Variants in WWC1 observed in about 807,000 individuals in gnomAD.
WWC1 encodes the protein WW and C2 domain containing 1.
Under a neutral mutation model 138.4 loss-of-function variants are expected in WWC1, and 55 were observed. The ratio of observed to expected loss-of-function variants is 0.40; its 90% CI spans 0.32 to 0.50. The LOEUF is 0.50. WWC1 is among the 20% of genes least tolerant of loss of function. WWC1 has a pLI of 0.72. For synonymous variants in WWC1, 524 were observed against 564.9 expected (o/e 0.93, Z 1.03); for missense variants, 1,226 against 1,420.4 (o/e 0.86, Z 2.20).
intron 1 of WWC1, among the ~76,000 whole-genome samples, chr5:168,309,282 A>G (rs771517324): frequency 1.3e-5 from 2 of 152,132 alleles, no homozygotes; most frequent in African/African-American, 4.8e-5. Flanking sequence ...CTGGGTACCT[A>G]CTGGACATTT....
At chr5:168,442,599 G>A (rs1265295123) in intron 16 of WWC1, among the ~76,000 whole-genome samples, 4 of 152,038 alleles carry the variant, frequency 2.6e-5, no homozygotes, top group Non-Finnish European at 5.9e-5. Flanking sequence ...CACTTTGGGA[G>A]GCCAAGGCAG....
At chr5:168,354,045 CT>C (rs1404248029) in intron 1 of WWC1, among the ~76,000 whole-genome samples, 1 of 151,508 alleles carries the variant, frequency 6.6e-6, no homozygotes, top group Non-Finnish European at 1.5e-5. Context: ...AGTGCTTTTT[CT>C]TTTTTTCTTT....
chr5:168,428,642 C>T lies in WWC1; in HGVS notation c.1920-65C>T. On this transcript the variant is annotated intron_variant, in intron 12 of 22. Coordinates refer to ENST00000265293, the MANE Select transcript of WWC1 (RefSeq NM_015238.3). Reference sequence around the variant, plus strand: ...ACTTTCCTTCCTGGGGATGTAACCTCAGCCTCCCAGAATAGTTTGTTCACT... The same window carrying T: ...ACTTTCCTTCCTGGGGATGTAACCTTAGCCTCCCAGAATAGTTTGTTCACT... 3.3e-6 allele frequency: 5 copies of T among 1,521,882 alleles called. No individual in the cohort carries two copies. In the South Asian group the frequency reaches 5.7e-5, roughly 17 times the overall value. 94.3% of individuals were successfully genotyped at this position (1,521,882 alleles called of 1,614,324 possible). A position where few individuals can be genotyped will look rare whatever the true frequency, so the allele number is the denominator to read the frequency against.
rs188523216 is a variant in WWC1 at position 168,310,532 on chromosome 5, C to T, written c.119+18261C>T. 7.8e-4 allele frequency among the ~76,000 whole-genome samples: 119 copies of T among 151,662 alleles called. 1 individual carries two copies. In the East Asian group the frequency reaches 0.018, roughly 23 times the overall value. On this transcript the variant is annotated intron_variant, in intron 1 of 22. Coordinates refer to ENST00000265293, the MANE Select transcript of WWC1 (RefSeq NM_015238.3). The stretch of plus-strand genomic sequence containing the variant: ...AAAATATTTATGTACAAACAAACAC[C>T]ATTTAAGAGTAAGTTGGAGGCCAGG...
chr5:168,408,195 G>T (rs1396669618), intron 6 of WWC1, among the ~76,000 whole-genome samples: 1 of 151,998 alleles, frequency 6.6e-6, no homozygotes, highest in Admixed American at 6.6e-5. Flanking sequence ...GGAAATTGAG[G>T]CAAAGAGAGG....
chr5:168,329,116 C>T (rs746055339), intron 1 of WWC1, among the ~76,000 whole-genome samples: 7 of 152,206 alleles, frequency 4.6e-5, no homozygotes, highest in Non-Finnish European at 1.0e-4. Context: ...TCTTCCTTCC[C>T]TCTTGGTGAT....
chr5:168,444,490 A>G lies in WWC1; in HGVS notation c.2434-4A>G. ...CAATGACCCAGCAACCTTTGTCTCT[A>G]TAGGACGCTGTGTCTGCTCTGTTGG... On this transcript the variant is annotated splice_region_variant and splice_polypyrimidine_tract_variant and intron_variant, in intron 16 of 22. Coordinates refer to ENST00000265293, the MANE Select transcript of WWC1 (RefSeq NM_015238.3). 4 of 1,565,352 alleles carry G rather than the reference A, an allele frequency of 2.6e-6. No individual in the cohort carries two copies. The highest frequency in any genetic ancestry group is 3.5e-6 in the Non-Finnish European group (4 of 1,153,678).
At chr5:168,465,085 T>C in intron 21 of WWC1, 123 bp downstream of exon 21, 2 of 1,400,250 alleles carry the variant, frequency 1.4e-6, no homozygotes, top group South Asian at 1.5e-5. Context: ...CAGGTTCCAC[T>C]GAGGGTGTTC....
intron 1 of WWC1, among the ~76,000 whole-genome samples, chr5:168,325,613 C>G (rs1443090822): frequency 6.6e-6 from 1 of 152,198 alleles, no homozygotes; most frequent in Non-Finnish European, 1.5e-5. Flanking sequence ...TTTGCACTGA[C>G]ATTCCATGTG....
At chr5:168,380,595 C>A (rs979290100) in intron 2 of WWC1, among the ~76,000 whole-genome samples, 1 of 152,116 alleles carries the variant, frequency 6.6e-6, no homozygotes, top group Non-Finnish European at 1.5e-5. Context: ...AATGGTACAA[C>A]CAGTTTGGAA....
rs1769063477 is a variant in WWC1 at position 168,291,675 on chromosome 5, CCCGAG to C, written c.-474_-470del. 6.6e-6 allele frequency: 1 copy of C among 152,274 alleles called. No homozygotes were observed. Among genetic ancestry groups the C allele is most frequent in the African/African-American group, 2.4e-5 (1 of 41,464 alleles). 9.4% of individuals were successfully genotyped at this position (152,274 alleles called of 1,614,324 possible). ...CGGGGCAGCGCGGTTACCTGCACCG[CCCGAG>C]CCGCACCTGGCGGAGGCAGAAGTCA... On this transcript the variant is annotated 5_prime_UTR_variant, in exon 1 of 23. Coordinates refer to ENST00000265293, the MANE Select transcript of WWC1 (RefSeq NM_015238.3).
At chr5:168,401,651 T>C (rs1196518149) in intron 5 of WWC1, among the ~76,000 whole-genome samples, 1 of 152,224 alleles carries the variant, frequency 6.6e-6, no homozygotes, top group Non-Finnish European at 1.5e-5. Context: ...TTACAAATTG[T>C]ATGTAATTTT....
At chr5:168,384,221 A>G (rs1777865863) in intron 2 of WWC1, among the ~76,000 whole-genome samples, 1 of 152,074 alleles carries the variant, frequency 6.6e-6, no homozygotes. Context: ...CAGTTTTCTC[A>G]TTGGTATAAT....
chr5:168,395,057 CT>C (rs1224862802), intron 3 of WWC1, among the ~76,000 whole-genome samples: 1 of 152,218 alleles, frequency 6.6e-6, no homozygotes, highest in Non-Finnish European at 1.5e-5. Flanking sequence ...TTTTTGGCAT[CT>C]TTTTGTCTCC....
At position 168,318,560 on chromosome 5, in the gene WWC1, AT is replaced by A. The variant is rs34149697; in HGVS notation, c.119+26305del. ...TATTTGTCATTTTTTGTGACTGGCT[AT>A]TTTTTTTTTTTTTTTGAGATGGAGT... is the stretch of plus-strand genomic sequence containing the variant. On this transcript the variant is annotated intron_variant, in intron 1 of 22. Transcript: ENST00000265293. Among the ~76,000 whole-genome samples the A allele has an allele frequency of 2.9e-3, 384 of 134,402 alleles. 1 individual carries two copies. Among genetic ancestry groups the A allele is most frequent in the Admixed American group, 5.6e-3 (75 of 13,292 alleles). 88.2% of individuals were successfully genotyped at this position (134,402 alleles called of 152,430 possible).
At chr5:168,460,483 G>A (rs182019052) in intron 19 of WWC1, among the ~76,000 whole-genome samples, 167 bp from the exon 20 acceptor site, 2 of 152,298 alleles carry the variant, frequency 1.3e-5, no homozygotes, top group East Asian at 1.9e-4. Flanking sequence ...CATGCTTAAC[G>A]AATGTTCACT....
Position 168,402,074 on chromosome 5 carries a change from A to T in WWC1, c.590+2507A>T, listed in dbSNP as rs962271307. On this transcript the variant is annotated intron_variant, in intron 5 of 22. Coordinates refer to ENST00000265293, the MANE Select transcript of WWC1 (RefSeq NM_015238.3). Reference sequence around the variant, plus strand: ...TGAGCCACTGCAAACCTGTTTTACCACTTTGTCACCCTGTAGCAGCATTGA... The same window carrying T: ...TGAGCCACTGCAAACCTGTTTTACCTCTTTGTCACCCTGTAGCAGCATTGA... Among the ~76,000 whole-genome samples, 5 of 152,178 alleles carry T rather than the reference A, an allele frequency of 3.3e-5. No homozygotes were observed. The East Asian group carries it at 5.8e-4, about 18-fold the overall frequency.
chr5:168,431,453 C>A lies in WWC1; in HGVS notation c.2280+9C>A, dbSNP rs753654585. ...ATCTGGAAGAGTGCCTGGTAAGGGC[C>A]GTGTCTGGCTGGCTGGCTGGCTGGC... On this transcript the variant is annotated intron_variant, in intron 15 of 22. Coordinates refer to ENST00000265293, the MANE Select transcript of WWC1 (RefSeq NM_015238.3). 7.0e-6 allele frequency: 11 copies of A among 1,569,132 alleles called. No homozygotes were observed. Among genetic ancestry groups the A allele is most frequent in the Non-Finnish European group, 9.4e-6 (11 of 1,167,378 alleles).
intron 1 of WWC1, among the ~76,000 whole-genome samples, chr5:168,369,267 C>A (rs986204097): frequency 1.3e-5 from 2 of 152,222 alleles, no homozygotes; most frequent in African/African-American, 4.8e-5. Context: ...ACCCACCCAA[C>A]AAATGGAGAG....
Sources: gnomAD v4.1 joint callset for allele counts (sites outside exome capture counted in the v4.1 genomes callset) on GRCh38, gnomAD v4.1.1 for gene constraint, MANE v1.5 for transcripts, NCBI Gene and HGNC (gene_info 2026-07-23, HGNC 2026-07-21) for gene names.